Variants in KLHL2 observed in about 807,000 individuals in gnomAD.
The protein encoded by KLHL2 is kelch like family member 2.
In KLHL2, 15 loss-of-function variants were observed where a neutral mutation model predicts 75.8. The ratio of observed to expected loss-of-function variants is 0.20; its 90% CI spans 0.13 to 0.30. The LOEUF is 0.30. Ranked by LOEUF, KLHL2 falls within the 10% of genes least tolerant of loss-of-function variation. The pLI, the probability that KLHL2 is intolerant of heterozygous loss-of-function variation, is 1.00. For missense variants in KLHL2, 381 were observed against 741.0 expected (o/e 0.51, Z 5.64); for synonymous variants, 214 against 251.9 (o/e 0.85, Z 1.42).
rs1180243889 is a variant in KLHL2, at chr4:165,299,585, C to T, written c.850C>T (p.Leu284=). Residue 284 remains leucine (L), a synonymous_variant, in exon 8 of 15, where the codon CTG becomes TTG. Coordinates refer to ENST00000226725, the MANE Select transcript of KLHL2 (RefSeq NM_007246.4). ...YLIEAMKYHL[L]PTEQRILMKS... The stretch of plus-strand genomic sequence containing the variant: ...CATTGAAGCAATGAAGTACCATTTG[C>T]TGCCAACAGAGCAGCGTATATTAAT... 1.9e-6 allele frequency: 3 copies of T among 1,613,796 alleles called. No individual in the cohort carries two copies. The highest frequency in any genetic ancestry group is 2.5e-6 in the Non-Finnish European group (3 of 1,179,918).
At chr4:165,209,218 C>A (rs1051281297) in intron 1 of KLHL2, among the ~76,000 whole-genome samples, 4 of 152,264 alleles carry the variant, frequency 2.6e-5, no homozygotes, top group Admixed American at 2.6e-4. Flanking sequence ...GGCACCTGAA[C>A]CCCTAGGAAA....
chr4:165,296,680 GGGATGAT>G (rs2126503344), intron 6 of KLHL2, among the ~76,000 whole-genome samples: 1 of 152,282 alleles, frequency 6.6e-6, no homozygotes, highest in South Asian at 2.1e-4. Flanking sequence ...GTTCCGATAT[GGGATGAT>G]AGAAGCAGGG....
intron 13 of KLHL2, among the ~76,000 whole-genome samples, chr4:165,315,788 C>T (rs1344716703): frequency 6.6e-6 from 1 of 152,006 alleles, no homozygotes; most frequent in Non-Finnish European, 1.5e-5. Flanking sequence ...ACTAAGCTGG[C>T]AAAGAGTGGA....
intron 5 of KLHL2, among the ~76,000 whole-genome samples, chr4:165,279,970 C>G (rs12509117): frequency 0.063 from 9,571 of 152,296 alleles, 419 homozygotes; most frequent in Middle Eastern, 0.12. Context: ...ATCTTCCCCC[C>G]ACAAACCCAT....
At chr4:165,216,957 C>T (rs895972033) in intron 1 of KLHL2, among the ~76,000 whole-genome samples, 50 of 152,214 alleles carry the variant, frequency 3.3e-4, no homozygotes, top group Admixed American at 3.1e-3. Context: ...CCAATGTGGG[C>T]ATTGATTGTT....
At chr4:165,256,007 G>C (rs563664211) in intron 4 of KLHL2, among the ~76,000 whole-genome samples, 1 of 152,014 alleles carries the variant, frequency 6.6e-6, no homozygotes, top group South Asian at 2.1e-4. Flanking sequence ...ATAAACTACA[G>C]ATCCTAATAG....
At chr4:165,321,107 G>A (rs1192135599) in intron 14 of KLHL2, among the ~76,000 whole-genome samples, 4 of 152,124 alleles carry the variant, frequency 2.6e-5, no homozygotes, top group Non-Finnish European at 4.4e-5. Context: ...GTGGAAAGAC[G>A]ATTGGTATTA....
intron 13 of KLHL2, among the ~76,000 whole-genome samples, chr4:165,315,800 G>A (rs546509874): frequency 2.0e-5 from 3 of 152,206 alleles, no homozygotes; most frequent in South Asian, 2.1e-4. Flanking sequence ...AAGAGTGGAG[G>A]ACATGTATTC....
At chr4:165,281,428 G>A (rs747173373) in intron 5 of KLHL2, among the ~76,000 whole-genome samples, 11 of 151,474 alleles carry the variant, frequency 7.3e-5, no homozygotes, top group Non-Finnish European at 1.3e-4. Context: ...CCATTCTCCT[G>A]CCTCAGCCTC....
chr4:165,275,662 G>A lies in KLHL2; in HGVS notation c.544+12303G>A, dbSNP rs182133305. ...TTGCTGTGTTGCCCAGGCTGTGCTC[G>A]AACTCCTGGCCTTAAGCAGTCCTCC... On this transcript the variant is annotated intron_variant, in intron 5 of 14. Transcript: ENST00000226725. Among the ~76,000 whole-genome samples, 3 of 152,080 alleles carry A rather than the reference G, an allele frequency of 2.0e-5. 1 individual carries two copies. Among genetic ancestry groups the A allele is most frequent in the Non-Finnish European group, 2.9e-5 (2 of 68,026 alleles).
chr4:165,288,316 G>A (rs1455631474), intron 5 of KLHL2, among the ~76,000 whole-genome samples: 1 of 151,980 alleles, frequency 6.6e-6, no homozygotes, highest in Admixed American at 6.6e-5. Flanking sequence ...ATATACATGA[G>A]GATTTAAAAA....
In KLHL2 at chr4:165,299,548, C is replaced by T; in HGVS notation, c.813C>T (p.Cys271=). Residue 271 remains cysteine, a synonymous_variant, in exon 8 of 15, where the codon TGC becomes TGT. Coordinates refer to ENST00000226725, the MANE Select transcript of KLHL2 (RefSeq NM_007246.4). ...CATTGGTCAAGAATAGCAGTGCTTG[C>T]AAAGATTACCTCATTGAAGCAATGA... ...EEALVKNSSA[C]KDYLIEAMKY... 1 of 1,613,520 alleles carries T rather than the reference C, an allele frequency of 6.2e-7. No homozygotes were observed. Among genetic ancestry groups the T allele is most frequent in the Non-Finnish European group, 8.5e-7 (1 of 1,179,742 alleles).
At chr4:165,303,424 G>A (rs572691805) in intron 8 of KLHL2, among the ~76,000 whole-genome samples, 2 of 146,238 alleles carry the variant, frequency 1.4e-5, no homozygotes, top group Non-Finnish European at 3.0e-5. Context: ...CAGTTTTGAA[G>A]TTTTGAACAG....
At chr4:165,264,605 T>TATATATACACAC (rs757273597) in intron 5 of KLHL2, among the ~76,000 whole-genome samples, 44 of 124,128 alleles carry the variant, frequency 3.5e-4, no homozygotes, top group African/African-American at 1.3e-3. Flanking sequence ...TATATATATA[T>TATATATACACAC]ACACACACAC....
chr4:165,320,953 C>T (rs937290208), intron 14 of KLHL2, among the ~76,000 whole-genome samples: 1 of 152,052 alleles, frequency 6.6e-6, no homozygotes, highest in Non-Finnish European at 1.5e-5. Flanking sequence ...CACTGCCAGA[C>T]AATGAAGAAG....
intron 5 of KLHL2, among the ~76,000 whole-genome samples, chr4:165,289,908 T>C (rs1210131136): frequency 6.6e-6 from 1 of 152,170 alleles, no homozygotes; most frequent in African/African-American, 2.4e-5. Flanking sequence ...CTTGCTTTGA[T>C]TCAGATTTAA....
chr4:165,281,408 C>T lies in KLHL2; in HGVS notation c.545-12951C>T, dbSNP rs560316627. ...TCGGCTCACTGTGAGCACTGCCTCCCGGGTTCACGCCATTCTCCTGCCTCA... is the reference window on the plus strand; with the variant it reads ...TCGGCTCACTGTGAGCACTGCCTCCTGGGTTCACGCCATTCTCCTGCCTCA... On this transcript the variant is annotated intron_variant, in intron 5 of 14. Coordinates refer to ENST00000226725, the MANE Select transcript of KLHL2 (RefSeq NM_007246.4). Among the ~76,000 whole-genome samples, 302 of 151,684 alleles carry T rather than the reference C, an allele frequency of 2.0e-3. 1 individual carries two copies. Among genetic ancestry groups the T allele is most frequent in the East Asian group, 3.9e-3 (20 of 5,142 alleles).
At chr4:165,273,948 C>G (rs1489895754) in intron 5 of KLHL2, among the ~76,000 whole-genome samples, 1 of 152,210 alleles carries the variant, frequency 6.6e-6, no homozygotes, top group Non-Finnish European at 1.5e-5. Context: ...CTTTAAAGCA[C>G]TCTATTTGTC....
intron 11 of KLHL2, 84 bp from the exon 12 acceptor site, chr4:165,313,145 AAAATATATT>A: frequency 7.5e-7 from 1 of 1,324,928 alleles, no homozygotes; most frequent in Non-Finnish European, 1.0e-6. Flanking sequence ...GCCATGAAGG[AAAATATATT>A]AATATTTTCT....
Sources: allele counts gnomAD v4.1 joint callset (sites outside exome capture counted in the v4.1 genomes callset), GRCh38; gene constraint gnomAD v4.1.1; transcripts MANE v1.5; gene names NCBI Gene and HGNC (gene_info 2026-07-23, HGNC 2026-07-21).